SLC30A9: variants seen among roughly 807,000 people sequenced by gnomAD.
SLC30A9 encodes solute carrier family 30 member 9.
In SLC30A9, 58 loss-of-function variants were observed where a neutral mutation model predicts 87.5. The observed-to-expected ratio is 0.66, with a 90% CI of 0.54 to 0.82. The LOEUF (loss-of-function observed/expected upper bound fraction) is 0.82. SLC30A9 is among the 40% of genes least tolerant of loss of function. The probability of loss-of-function intolerance (pLI) is 0.00; values close to 1 mark genes in which losing one functional copy is unlikely to be tolerated. For synonymous variants in SLC30A9, 234 were observed against 233.0 expected, an observed-to-expected ratio of 1.00 and a Z score of -0.04; for missense variants, 557 against 679.1, an observed-to-expected ratio of 0.82 and a Z score of 2.00.
At chr4:41,994,606 A>G (rs1714610927) in intron 1 of SLC30A9, among the ~76,000 whole-genome samples, 1 of 151,890 alleles carries the variant, frequency 6.6e-6, no homozygotes, top group South Asian at 2.1e-4. Flanking sequence ...AAGTAGGCTG[A>G]GAATTTAACT....
chr4:42,034,874 C>T (rs1280028598), intron 6 of SLC30A9, among the ~76,000 whole-genome samples: 2 of 152,136 alleles, frequency 1.3e-5, no homozygotes, highest in Non-Finnish European at 2.9e-5. Flanking sequence ...ATAACAATTG[C>T]ACCATTTTAC....
At chr4:42,018,950 A>C (rs1230385493) in intron 3 of SLC30A9, among the ~76,000 whole-genome samples, 1 of 151,808 alleles carries the variant, frequency 6.6e-6, no homozygotes, top group Non-Finnish European at 1.5e-5. Context: ...ATTTTTTAAA[A>C]ATTTAAAAGG....
chr4:42,070,472 CACTGAAATAATATAA>C (rs1284872652), intron 14 of SLC30A9, 39 bp from the exon 15 acceptor site: 1 of 1,400,534 alleles, frequency 7.1e-7, no homozygotes, highest in Non-Finnish European at 9.8e-7. Context: ...CTATAAAGTT[CACTGAAATAATATAA>C]ACTGTTAATT....
At chr4:42,053,343 C>G (rs893237522) in intron 9 of SLC30A9, among the ~76,000 whole-genome samples, 2 of 152,060 alleles carry the variant, frequency 1.3e-5, no homozygotes, top group Non-Finnish European at 2.9e-5. Flanking sequence ...CCACCAATTC[C>G]ACTTCTAAGT....
intron 9 of SLC30A9, among the ~76,000 whole-genome samples, chr4:42,059,829 T>G (rs1717771142): frequency 6.6e-6 from 1 of 152,210 alleles, no homozygotes; most frequent in Non-Finnish European, 1.5e-5. Flanking sequence ...CTTCTTCCAC[T>G]TAATGGTATG....
In SLC30A9 at chr4:42,065,350, G is replaced by GTA; in HGVS notation, c.1072+3_1072+4dup. The GTA allele has an allele frequency of 7.5e-7, 1 of 1,335,464 alleles. No homozygotes were observed. The highest frequency in any genetic ancestry group is 1.1e-6 in the Non-Finnish European group (1 of 930,322). 82.7% of individuals were successfully genotyped at this position (1,335,464 alleles called of 1,614,324 possible). Reference sequence around the variant, plus strand: ...GCAGGATCATTAGTATCTGAAGGAGGTATGTACTGTCACAAAGTATGTCTC... The same window carrying GTA: ...GCAGGATCATTAGTATCTGAAGGAGGTATATGTACTGTCACAAAGTATGTCTC... On this transcript the variant is annotated splice_donor_variant, in intron 12 of 17. Transcript: ENST00000264451. LOFTEE classifies it high-confidence loss of function.
At chr4:42,043,154 A>C (rs1198026347) in intron 8 of SLC30A9, among the ~76,000 whole-genome samples, 1 of 152,130 alleles carries the variant, frequency 6.6e-6, no homozygotes, top group African/African-American at 2.4e-5. Flanking sequence ...AATTCCAAAA[A>C]CCAGAACACC....
At chr4:41,996,665 G>T (rs369903455) in intron 1 of SLC30A9, among the ~76,000 whole-genome samples, 1 of 152,146 alleles carries the variant, frequency 6.6e-6, no homozygotes, top group Admixed American at 6.5e-5. Context: ...ACCACCTGAG[G>T]CTGGGGAGGT....
intron 15 of SLC30A9, among the ~76,000 whole-genome samples, chr4:42,071,777 A>G (rs1718319329): frequency 6.6e-6 from 1 of 152,046 alleles, no homozygotes. Flanking sequence ...TTTCTTTGTG[A>G]TGTTTTTGTC....
chr4:42,043,899 A>G (rs193255517), intron 8 of SLC30A9, among the ~76,000 whole-genome samples: 1 of 152,318 alleles, frequency 6.6e-6, no homozygotes, highest in Non-Finnish European at 1.5e-5. Context: ...GCCAGAAGAG[A>G]GTGGGGGCCA....
chr4:42,053,695 C>CAAAAAAAAAAAAAAAAAAAAA (rs56190460), intron 9 of SLC30A9, among the ~76,000 whole-genome samples: 2 of 55,922 alleles, frequency 3.6e-5, no homozygotes, highest in Admixed American at 2.8e-4. Flanking sequence ...ACTCGGTCTC[C>CAAAAAAAAAAAAAAAAAAAAA]AAAAAAAAAA....
At chr4:42,033,799 TGA>T (rs1716557360) in intron 6 of SLC30A9, among the ~76,000 whole-genome samples, 4 of 152,202 alleles carry the variant, frequency 2.6e-5, no homozygotes, top group African/African-American at 9.6e-5. Flanking sequence ...ATGGTCTCGA[TGA>T]TCTGACCTTG....
chr4:42,038,948 T>C, intron 7 of SLC30A9, 38 bp from the exon 8 acceptor site: 1 of 1,542,616 alleles, frequency 6.5e-7, no homozygotes, highest in Non-Finnish European at 9.0e-7. Context: ...CTCTGCAAAA[T>C]TTTGGAGGTA....
At chr4:42,069,848 G>T (rs1718237025) in intron 14 of SLC30A9, among the ~76,000 whole-genome samples, 1 of 152,164 alleles carries the variant, frequency 6.6e-6, no homozygotes, top group East Asian at 1.9e-4. Flanking sequence ...AACACAGAAT[G>T]CTGAAACCCA....
chr4:42,037,786 A>C (rs1016333237), intron 7 of SLC30A9, among the ~76,000 whole-genome samples: 21 of 151,974 alleles, frequency 1.4e-4, no homozygotes, highest in Admixed American at 1.4e-3. Context: ...ATTTTTTAAT[A>C]TTTTATTTTA....
rs111921312 is a variant in SLC30A9 at position 42,085,152 on chromosome 4, G to A, written c.1663-930G>A. ...TTGCAGGCTGTCTGACTTTGCTGAT[G>A]TTGTGTTTTCTGTCTAGACACTCTT... On this transcript the variant is annotated intron_variant, in intron 17 of 17. Transcript: ENST00000264451. 5.8e-3 allele frequency among the ~76,000 whole-genome samples: 876 copies of A among 152,288 alleles called. 4 individuals carry two copies. Among genetic ancestry groups the A allele is most frequent in the African/African-American group, 0.02 (839 of 41,556 alleles).
At chr4:42,045,321 T>C (rs558372988) in intron 8 of SLC30A9, among the ~76,000 whole-genome samples, 4 of 151,288 alleles carry the variant, frequency 2.6e-5, no homozygotes, top group Non-Finnish European at 5.9e-5. Flanking sequence ...CTAGCCAGAC[T>C]AATAAAAAAG....
chr4:42,004,248 C>CT (rs1350520050), intron 2 of SLC30A9, among the ~76,000 whole-genome samples: 6 of 152,076 alleles, frequency 3.9e-5, no homozygotes, highest in Non-Finnish European at 8.8e-5. Context: ...ATTTGAAAGT[C>CT]TTTTTCTTTG....
At chr4:42,053,537 A>G (rs1717468392) in intron 9 of SLC30A9, among the ~76,000 whole-genome samples, 1 of 151,846 alleles carries the variant, frequency 6.6e-6, no homozygotes, top group Non-Finnish European at 1.5e-5. Flanking sequence ...CTAAAAGTAC[A>G]AAATAGCTGG....
Sources: gnomAD v4.1 joint callset for allele counts (sites outside exome capture counted in the v4.1 genomes callset) on GRCh38, gnomAD v4.1.1 for gene constraint, MANE v1.5 for transcripts, NCBI Gene and HGNC (gene_info 2026-07-23, HGNC 2026-07-21) for gene names.